The following PIGQ variants were observed in gnomAD, a reference collection of about 807,000 sequenced individuals.
PIGQ encodes the protein phosphatidylinositol glycan anchor biosynthesis class Q, also known as phosphatidylinositol N-acetylglucosaminyltransferase subunit Q.
A neutral mutation model predicts 60.3 loss-of-function variants in PIGQ; 54 were observed. The observed-to-expected ratio is 0.90, with a 90% CI of 0.72 to 1.12. The LOEUF is 1.12. PIGQ is among the 50% of genes most tolerant of loss of function. The pLI is 0.00. For missense variants in PIGQ, 799 were observed against 793.5 expected, an observed-to-expected ratio of 1.01 and a Z score of -0.08; for synonymous variants, 416 against 363.7, an observed-to-expected ratio of 1.14 and a Z score of -1.64.
At chr16:578,640 GCTGAGGGCTGGGGCCTGGGCACCTC>G in intron 5 of PIGQ, 120 bp from the exon 6 acceptor site, 1 of 1,406,808 alleles carries the variant, frequency 7.1e-7, no homozygotes, top group Non-Finnish European at 9.8e-7. Context: ...GCTGTGCTCA[GCTGAGGGCTGGGGCCTGGGCACCTC>G]CCGAGGGCTG....
chr16:583,290 G>A lies in PIGQ; in HGVS notation c.*255G>A, dbSNP rs144593426. The A allele has an allele frequency of 1.0e-4, 164 of 1,612,718 alleles. No homozygotes were observed. The highest frequency in any genetic ancestry group is 8.2e-4 in the Middle Eastern group (5 of 6,084). On this transcript the variant is annotated 3_prime_UTR_variant, in exon 11 of 11. Transcript: ENST00000321878. Reference sequence around the variant, plus strand: ...TTGGGACCCGCTTCCCACCTGCTGCGGTCACCATGGTGGCGAGCACAGCAA... The same window carrying A: ...TTGGGACCCGCTTCCCACCTGCTGCAGTCACCATGGTGGCGAGCACAGCAA...
At position 584,014 on chromosome 16, in the gene PIGQ, A is replaced by C; in HGVS notation, c.*979A>C. The stretch of plus-strand genomic sequence containing the variant: ...CTGTGGGTGGGAGGAGGCAGCGCCC[A>C]TCTCAGCAGCACCAGGACTGCCTGG... On this transcript the variant is annotated 3_prime_UTR_variant, in exon 11 of 11. Coordinates refer to ENST00000321878, the MANE Select transcript of PIGQ (RefSeq NM_004204.5). The C allele has an allele frequency of 2.8e-6, 1 of 361,028 alleles. No individual in the cohort carries two copies. Among genetic ancestry groups the C allele is most frequent in the Non-Finnish European group, 5.4e-6 (1 of 184,426 alleles). 22.4% of individuals were successfully genotyped at this position (361,028 alleles called of 1,614,324 possible). A position where few individuals can be genotyped will look rare whatever the true frequency, so the allele number is the denominator to read the frequency against.
chr16:578,350 G>T, intron 4 of PIGQ, 29 bp from the exon 5 acceptor site: 3 of 1,593,624 alleles, frequency 1.9e-6, no homozygotes, highest in Non-Finnish European at 1.7e-6. Context: ...GGCTGCCCCC[G>T]CCCCAGCGTG....
intron 1 of PIGQ, among the ~76,000 whole-genome samples, chr16:572,947 C>A (rs1344117112): frequency 1.3e-5 from 2 of 152,256 alleles, no homozygotes; most frequent in Non-Finnish European, 2.9e-5. Context: ...GTGGCCGCTC[C>A]ACTCTTCGTG....
chr16:578,557 G>C, intron 5 of PIGQ, 52 bp downstream of exon 5: 1 of 1,584,748 alleles, frequency 6.3e-7, no homozygotes, highest in South Asian at 1.1e-5. Context: ...TGCTGAAGAG[G>C]GTAGGGACCC....
Position 583,809 on chromosome 16 carries a change from C to A in PIGQ, c.*774C>A. On this transcript the variant is annotated 3_prime_UTR_variant, in exon 11 of 11. Coordinates refer to ENST00000321878, the MANE Select transcript of PIGQ (RefSeq NM_004204.5). ...ATGGGCCTCCCAGGGAAGGAGGAAG[C>A]CCTGCTGTGCAGACACCTCTGTGGC... 1.3e-6 allele frequency: 1 copy of A among 749,490 alleles called. No individual in the cohort carries two copies. The highest frequency in any genetic ancestry group is 2.3e-6 in the Non-Finnish European group (1 of 436,188). The allele number at this position is 749,490 out of a possible 1,614,324, so 46.4% of individuals were successfully genotyped here. A position where few individuals can be genotyped will look rare whatever the true frequency, so the allele number is the denominator to read the frequency against.
At chr16:579,954 C>T (rs990723309) in intron 7 of PIGQ, 24 of 412,342 alleles carry the variant, frequency 5.8e-5, no homozygotes, top group African/African-American at 4.3e-4. Context: ...GGCCACGCAC[C>T]GTCTTGGGTG....
intron 4 of PIGQ, chr16:576,770 C>G (rs2035726121): frequency 2.6e-6 from 1 of 386,658 alleles, no homozygotes. Context: ...TGCCCCGTTT[C>G]CAGCCGGGTG....
intron 9 of PIGQ, chr16:581,176 T>C: frequency 6.9e-7 from 1 of 1,447,108 alleles, no homozygotes; most frequent in Non-Finnish European, 9.2e-7. Flanking sequence ...GGAGAGAGAC[T>C]CAGAGACTCA....
intron 1 of PIGQ, among the ~76,000 whole-genome samples, chr16:572,177 A>G (rs533023604): frequency 3.9e-5 from 6 of 152,292 alleles, no homozygotes; most frequent in East Asian, 3.9e-4. Flanking sequence ...GTGGTCCCCT[A>G]TGGTGGTCAC....
chr16:571,229 C>G (rs112968786), intron 1 of PIGQ, among the ~76,000 whole-genome samples: 2 of 4,360 alleles, frequency 4.6e-4, no homozygotes, highest in Non-Finnish European at 4.2e-4. Context: ...TCTGGTTAGC[C>G]TGTGTGTGTG....
At chr16:571,697 A>G (rs1207447257) in intron 1 of PIGQ, among the ~76,000 whole-genome samples, 4 of 151,000 alleles carry the variant, frequency 2.6e-5, no homozygotes. Context: ...TCTGCTATCG[A>G]TCGCTTCTCT....
rs932027030 is a variant in PIGQ at position 574,896 on chromosome 16, C to T, written c.689+133C>T. The T allele has an allele frequency of 1.6e-4, 113 of 710,828 alleles. 1 individual carries two copies. Among genetic ancestry groups the T allele is most frequent in the Non-Finnish European group, 2.3e-4 (102 of 439,256 alleles). 44.0% of individuals were successfully genotyped at this position (710,828 alleles called of 1,614,324 possible). A position where few individuals can be genotyped will look rare whatever the true frequency, so the allele number is the denominator to read the frequency against. ...CGGGCCCCCTCCCACTCCTGCAGCC[C>T]GGGCTTTGGCCCCATCCTGCTCTCC... On this transcript the variant is annotated intron_variant, in intron 2 of 10. Coordinates refer to ENST00000321878, the MANE Select transcript of PIGQ (RefSeq NM_004204.5).
intron 4 of PIGQ, 135 bp downstream of exon 4, chr16:576,389 T>TGGGGGCCGCCCACCCTGGGGTCGTGG: frequency 9.3e-7 from 1 of 1,078,324 alleles, no homozygotes; most frequent in Non-Finnish European, 1.3e-6. Flanking sequence ...GACACGGCCC[T>TGGGGGCCGCCCACCCTGGGGTCGTGG]CCCCTGAACC....
chr16:574,544 C>G lies in PIGQ; in HGVS notation c.470C>G (p.Ala157Gly). 1.2e-6 allele frequency: 2 copies of G among 1,605,472 alleles called. No homozygotes were observed. Among genetic ancestry groups the G allele is most frequent in the Non-Finnish European group, 1.7e-6 (2 of 1,176,646 alleles). The change falls in exon 2 of 11, where the codon GCC (alanine) becomes GGC (glycine). Residue 157 changes from alanine to glycine, a missense_variant. Physicochemically the swap from Ala to Gly is moderately conservative, Grantham distance 60. Coordinates refer to ENST00000321878, the MANE Select transcript of PIGQ (RefSeq NM_004204.5). Reference protein sequence around the residue: ...LPDRQAGATTASTGGLAAVFD... With the variant: ...LPDRQAGATTGSTGGLAAVFD... ...GACCGCCAGGCTGGAGCCACCACTG[C>G]CAGCACGGGGGGCCTGGCTGCCGTC...
Position 578,807 on chromosome 16 carries a change from C to A in PIGQ, c.1092C>A (p.Pro364=), listed in dbSNP as rs1440647454. 2 of 1,613,770 alleles carry A rather than the reference C, an allele frequency of 1.2e-6. No individual in the cohort carries two copies. The highest frequency in any genetic ancestry group is 4.5e-5 in the East Asian group (2 of 44,882). Residue 364 remains proline (P), a synonymous_variant, in exon 6 of 11, where the codon CCC becomes CCA. Coordinates refer to ENST00000321878, the MANE Select transcript of PIGQ (RefSeq NM_004204.5). The part of the protein sequence containing the change: ...LWISYIHLMS[P]FVEHILWHVG... ...CAGGCTACATCCACCTCATGTCCCC[C>A]TTCGTGGAGCACATCCTTTGGCACG...
chr16:571,341 C>CGTGT (rs3074438), intron 1 of PIGQ, among the ~76,000 whole-genome samples: 173 of 13,598 alleles, frequency 0.013, 22 homozygotes, highest in African/African-American at 0.055. Flanking sequence ...GCCTGGTGCC[C>CGTGT]GTGTGTGTGT....
Position 584,029 on chromosome 16 carries a change from G to A in PIGQ, c.*994G>A. On this transcript the variant is annotated 3_prime_UTR_variant, in exon 11 of 11. Transcript: ENST00000321878. ...GGCAGCGCCCATCTCAGCAGCACCA[G>A]GACTGCCTGGGACTCCCTGGCAACC... 3.0e-6 allele frequency: 1 copy of A among 333,540 alleles called. No homozygotes were observed. Among genetic ancestry groups the A allele is most frequent in the South Asian group, 2.6e-5 (1 of 38,972 alleles). The allele number at this position is 333,540 out of a possible 1,614,324, so 20.7% of individuals were successfully genotyped here. A position where few individuals can be genotyped will look rare whatever the true frequency, so the allele number is the denominator to read the frequency against.
rs367733781 is a variant in PIGQ at position 582,863 on chromosome 16, C to T, written c.1594-20C>T. The T allele has an allele frequency of 5.4e-5, 86 of 1,580,012 alleles. No individual in the cohort carries two copies. The highest frequency in any genetic ancestry group is 2.0e-4 in the East Asian group (9 of 44,462). ...TTGGAGCTCAGACCACCCCACTGAC[C>T]GCTGCCCTTGTCCTTCCAGATAAAC... is the stretch of plus-strand genomic sequence containing the variant. On this transcript the variant is annotated intron_variant, in intron 10 of 10. Coordinates refer to ENST00000321878, the MANE Select transcript of PIGQ (RefSeq NM_004204.5).
Sources: allele counts gnomAD v4.1 joint callset (sites outside exome capture counted in the v4.1 genomes callset), GRCh38; gene constraint gnomAD v4.1.1; transcripts MANE v1.5; gene names NCBI Gene and HGNC (gene_info 2026-07-23, HGNC 2026-07-21).